Variants in OR9Q1 observed in about 807,000 individuals in gnomAD.
The protein encoded by OR9Q1 is olfactory receptor family 9 subfamily Q member 1.
For synonymous variants in OR9Q1, 153 were observed against 148.6 expected (o/e 1.03, Z -0.22); for missense variants, 374 against 378.8 (o/e 0.99, Z 0.11).
chr11:58,181,442 G>C lies in OR9Q1; in HGVS notation c.*1065G>C, dbSNP rs193238756. 6.0e-6 allele frequency: 1 copy of C among 166,158 alleles called. No homozygotes were observed. Among genetic ancestry groups the C allele is most frequent in the Non-Finnish European group, 1.5e-5 (1 of 67,484 alleles). The allele number at this position is 166,158 out of a possible 1,614,324, so 10.3% of individuals were successfully genotyped here. On this transcript the variant is annotated 3_prime_UTR_variant, in exon 3 of 3. Coordinates refer to ENST00000335397, the MANE Select transcript of OR9Q1 (RefSeq NM_001005212.4). The stretch of plus-strand genomic sequence containing the variant: ...TTAATCTTTACTTCTCTAATCACAG[G>C]GGACTTGTCTCAATCAAACCCAAGG...
At chr11:58,089,506 G>C (rs1853664568) in intron 2 of OR9Q1, among the ~76,000 whole-genome samples, 1 of 151,798 alleles carries the variant, frequency 6.6e-6, no homozygotes, top group African/African-American at 2.4e-5. Context: ...TGTTCCATTG[G>C]TCTATATATC....
chr11:58,105,844 C>G (rs1478557599), intron 2 of OR9Q1, among the ~76,000 whole-genome samples: 1 of 151,732 alleles, frequency 6.6e-6, no homozygotes, highest in Non-Finnish European at 1.5e-5. Context: ...TTGTCTATAC[C>G]ACATTTGGTT....
intron 1 of OR9Q1, among the ~76,000 whole-genome samples, chr11:58,029,657 A>C (rs7935880): frequency 3.3e-5 from 5 of 152,258 alleles, no homozygotes; most frequent in African/African-American, 1.2e-4. Flanking sequence ...TGATTCACTC[A>C]TGGTCACATA....
chr11:58,031,131 C>T (rs767056860), intron 1 of OR9Q1: 1 of 1,614,050 alleles, frequency 6.2e-7, no homozygotes, highest in Admixed American at 1.7e-5. Flanking sequence ...CTACGGAGAC[C>T]CATGTATTTC....
At chr11:58,042,626 C>T (rs895190494) in intron 1 of OR9Q1, among the ~76,000 whole-genome samples, 10 of 150,094 alleles carry the variant, frequency 6.7e-5, no homozygotes, top group Non-Finnish European at 1.2e-4. Flanking sequence ...CTTGGCGATG[C>T]GGGCTCTTTT....
intron 2 of OR9Q1, among the ~76,000 whole-genome samples, chr11:58,058,453 G>A (rs1026714734): frequency 2.6e-5 from 4 of 152,180 alleles, no homozygotes; most frequent in Admixed American, 2.6e-4. Flanking sequence ...GCGCCAACAG[G>A]AAGTCCTTAA....
intron 1 of OR9Q1, chr11:58,031,837 T>G: frequency 6.2e-7 from 1 of 1,614,164 alleles, no homozygotes; most frequent in Non-Finnish European, 8.5e-7. Flanking sequence ...TCATCTACAG[T>G]CTTAGGAACA....
At chr11:58,143,796 C>T (rs1022509644) in intron 2 of OR9Q1, among the ~76,000 whole-genome samples, 2 of 152,022 alleles carry the variant, frequency 1.3e-5, no homozygotes, top group African/African-American at 2.4e-5. Context: ...CAGCAAACCA[C>T]CATGACACAC....
chr11:58,110,343 C>T (rs1341819903), intron 2 of OR9Q1, among the ~76,000 whole-genome samples: 1 of 152,162 alleles, frequency 6.6e-6, no homozygotes, highest in Admixed American at 6.5e-5. Flanking sequence ...GTTATCCCAA[C>T]AATTCCTTGT....
intron 2 of OR9Q1, among the ~76,000 whole-genome samples, chr11:58,103,738 A>G (rs914746202): frequency 6.6e-6 from 1 of 152,222 alleles, no homozygotes; most frequent in South Asian, 2.1e-4. Flanking sequence ...TTACTGGAGT[A>G]GCTTTCATAA....
At chr11:58,153,416 T>C (rs1055874722) in intron 2 of OR9Q1, among the ~76,000 whole-genome samples, 6 of 152,114 alleles carry the variant, frequency 3.9e-5, no homozygotes, top group African/African-American at 1.2e-4. Context: ...TTGGGGACTG[T>C]TGTGGAAGAT....
intron 2 of OR9Q1, among the ~76,000 whole-genome samples, chr11:58,178,783 C>G (rs748700991): frequency 3.4e-4 from 52 of 151,244 alleles, no homozygotes; most frequent in Non-Finnish European, 4.1e-4. Flanking sequence ...TGTCAACATG[C>G]TAAGATGACT....
chr11:58,087,211 C>G (rs1295953023), intron 2 of OR9Q1, among the ~76,000 whole-genome samples: 1 of 151,482 alleles, frequency 6.6e-6, no homozygotes, highest in African/African-American at 2.4e-5. Flanking sequence ...CAGAAAAATT[C>G]ATATCTATAT....
intron 1 of OR9Q1, among the ~76,000 whole-genome samples, chr11:58,046,533 G>T (rs554822702): frequency 1.3e-5 from 2 of 152,180 alleles, no homozygotes; most frequent in African/African-American, 4.8e-5. Flanking sequence ...AACTGCAGGA[G>T]GCATGATGAT....
intron 2 of OR9Q1, among the ~76,000 whole-genome samples, chr11:58,139,150 T>C (rs1854217826): frequency 6.6e-6 from 1 of 152,156 alleles, no homozygotes; most frequent in Admixed American, 6.6e-5. Context: ...AATCAAATTC[T>C]GGCCCATCAG....
chr11:58,103,456 A>G (rs1356018389), intron 2 of OR9Q1, among the ~76,000 whole-genome samples: 3 of 152,066 alleles, frequency 2.0e-5, no homozygotes, highest in Admixed American at 1.3e-4. Context: ...TATGACATCT[A>G]TCTCTTTGTT....
rs559999445 is a variant in OR9Q1 at position 58,024,852 on chromosome 11, A to ATGCCCG, written c.-93+748_-93+749insTGCCCG. On this transcript the variant is annotated intron_variant, in intron 1 of 2. Transcript: ENST00000335397. ...CGGGGCTCCGAGCTGCAGGGAAATT[A>ATGCCCG]ACCTCAGAGTCAGGGCAGGGAGCCA... Among the ~76,000 whole-genome samples the ATGCCCG allele has an allele frequency of 1.0e-3, 157 of 152,254 alleles. 1 individual carries two copies. The East Asian group carries it at 0.025, about 24-fold the overall frequency.
chr11:58,125,614 T>C (rs1053589126), intron 2 of OR9Q1: 1 of 152,196 alleles, frequency 6.6e-6, no homozygotes, highest in African/African-American at 2.4e-5. Context: ...GATAGTTTTA[T>C]GGGAGGGATG....
At chr11:58,047,574 A>G (rs1275468500) in intron 1 of OR9Q1, 1 of 152,104 alleles carries the variant, frequency 6.6e-6, no homozygotes, top group Non-Finnish European at 1.5e-5. Flanking sequence ...AGATAACAGT[A>G]AAAAATTGAT....
Sources: gnomAD v4.1 joint callset for allele counts (sites outside exome capture counted in the v4.1 genomes callset) on GRCh38, gnomAD v4.1.1 for gene constraint, MANE v1.5 for transcripts, NCBI Gene and HGNC (gene_info 2026-07-23, HGNC 2026-07-21) for gene names.